CNTNAP2: variants seen among roughly 807,000 people sequenced by gnomAD.
CNTNAP2 encodes the protein contactin associated protein 2, also known as contactin-associated protein-like 2.
A neutral mutation model predicts 155.2 loss-of-function variants in CNTNAP2; 98 were observed. The ratio of observed to expected loss-of-function variants is 0.63; its 90% CI spans 0.54 to 0.75. CNTNAP2 has a LOEUF of 0.75. Ranked by LOEUF, CNTNAP2 falls within the 30% of genes least tolerant of loss-of-function variation. The probability of loss-of-function intolerance (pLI) is 0.00; values close to 1 mark genes in which losing one functional copy is unlikely to be tolerated. For synonymous variants in CNTNAP2, 651 were observed against 631.2 expected, an observed-to-expected ratio of 1.03 and a Z score of -0.47; for missense variants, 1,727 against 1,688.1, an observed-to-expected ratio of 1.02 and a Z score of -0.40.
chr7:147,499,562 G>A (rs1271832426), intron 11 of CNTNAP2, among the ~76,000 whole-genome samples: 1 of 152,062 alleles, frequency 6.6e-6, no homozygotes, highest in Non-Finnish European at 1.5e-5. Context: ...ATGTATTAAG[G>A]TTAGCAACTA....
At chr7:146,171,355 A>G (rs1249693373) in intron 1 of CNTNAP2, among the ~76,000 whole-genome samples, 2 of 152,142 alleles carry the variant, frequency 1.3e-5, no homozygotes, top group Non-Finnish European at 2.9e-5. Flanking sequence ...TATTTCTTTG[A>G]TATTCGTTAT....
intron 3 of CNTNAP2, among the ~76,000 whole-genome samples, chr7:146,874,328 T>G (rs898628304): frequency 2.0e-5 from 3 of 152,098 alleles, no homozygotes; most frequent in Non-Finnish European, 4.4e-5. Context: ...TCATGTTTAT[T>G]TTTTATTTTT....
At chr7:146,544,903 A>G (rs1176534218) in intron 1 of CNTNAP2, among the ~76,000 whole-genome samples, 2 of 151,948 alleles carry the variant, frequency 1.3e-5, no homozygotes, top group African/African-American at 2.4e-5. Context: ...GGAGTAGTAT[A>G]TACTAGAGGA....
intron 12 of CNTNAP2, among the ~76,000 whole-genome samples, chr7:147,601,711 T>C (rs1175939229): frequency 6.7e-6 from 1 of 148,980 alleles, no homozygotes; most frequent in Non-Finnish European, 1.5e-5. Flanking sequence ...AAACAATTAA[T>C]ACAAATTTCT....
At chr7:147,817,923 T>A (rs923150744) in intron 13 of CNTNAP2, among the ~76,000 whole-genome samples, 6 of 139,258 alleles carry the variant, frequency 4.3e-5, no homozygotes, top group African/African-American at 5.5e-5. Flanking sequence ...AAAAAAAAAA[T>A]AGCAAAGAAA....
chr7:148,008,207 C>CAA (rs34226824), intron 15 of CNTNAP2, among the ~76,000 whole-genome samples: 7,707 of 142,414 alleles, frequency 0.054, 408 homozygotes, highest in African/African-American at 0.15. Flanking sequence ...ACTAAAAATA[C>CAA]AAAAAAAAAA....
chr7:146,802,010 GA>G (rs528394971), intron 2 of CNTNAP2, among the ~76,000 whole-genome samples: 2 of 152,112 alleles, frequency 1.3e-5, no homozygotes, highest in Non-Finnish European at 2.9e-5. Flanking sequence ...CTGGAATTTA[GA>G]AAAAAATTTA....
rs576211925 is a variant in CNTNAP2, at chr7:146,351,056, C to A, written c.97+234083C>A. Among the ~76,000 whole-genome samples the A allele has an allele frequency of 2.3e-3, 345 of 150,134 alleles. 2 individuals are homozygous for A. Among genetic ancestry groups the A allele is most frequent in the African/African-American group, 8.1e-3 (329 of 40,432 alleles). ...GGGTGGGGGGAGGGTGGAGGGATAG[C>A]ATTAGGAGATACACCTAATGCTAAA... On this transcript the variant is annotated intron_variant, in intron 1 of 23. Transcript: ENST00000361727.
intron 8 of CNTNAP2, among the ~76,000 whole-genome samples, chr7:147,215,843 G>A (rs938406938): frequency 6.6e-6 from 1 of 152,038 alleles, no homozygotes; most frequent in African/African-American, 2.4e-5. Flanking sequence ...TTGCATCCTG[G>A]CCAATATTTG....
Position 148,415,834 on chromosome 7 carries a change from C to A in CNTNAP2, c.*218C>A. On this transcript the variant is annotated 3_prime_UTR_variant, in exon 24 of 24. Transcript: ENST00000361727. ...TATAGCTGAGTTTTCCCTTCTGTAT[C>A]AAAACAAAATAATACAAAAAATGCT... 1 of 606,848 alleles carries A rather than the reference C, an allele frequency of 1.6e-6. No homozygotes were observed. The highest frequency in any genetic ancestry group is 2.9e-6 in the Non-Finnish European group (1 of 348,144). The allele number at this position is 606,848 out of a possible 1,614,324, so 37.6% of individuals were successfully genotyped here.
At chr7:147,471,076 A>G (rs891781273) in intron 10 of CNTNAP2, among the ~76,000 whole-genome samples, 33 of 152,272 alleles carry the variant, frequency 2.2e-4, no homozygotes, top group African/African-American at 7.7e-4. Flanking sequence ...TAGATTTAAC[A>G]ATGTGGAAAT....
intron 4 of CNTNAP2, among the ~76,000 whole-genome samples, chr7:147,106,045 T>C (rs1250046728): frequency 6.6e-6 from 1 of 152,102 alleles, no homozygotes. Context: ...TAGAACTAAA[T>C]GTGTTTTGAT....
At chr7:146,711,348 A>T (rs1057462229) in intron 1 of CNTNAP2, among the ~76,000 whole-genome samples, 2 of 147,298 alleles carry the variant, frequency 1.4e-5, no homozygotes, top group Non-Finnish European at 3.0e-5. Context: ...TGTAAAATAT[A>T]TATGTATAAT....
At chr7:147,133,668 A>G (rs1489485118) in intron 8 of CNTNAP2, among the ~76,000 whole-genome samples, 1 of 152,032 alleles carries the variant, frequency 6.6e-6, no homozygotes, top group Non-Finnish European at 1.5e-5. Context: ...CAACTAACAG[A>G]ATATCCCCTG....
At chr7:146,567,729 C>CT (rs1281630297) in intron 1 of CNTNAP2, among the ~76,000 whole-genome samples, 1 of 152,084 alleles carries the variant, frequency 6.6e-6, no homozygotes, top group African/African-American at 2.4e-5. Context: ...TAACTTAAAA[C>CT]TTTTTTTGGG....
At chr7:146,700,841 G>A (rs890589400) in intron 1 of CNTNAP2, among the ~76,000 whole-genome samples, 1 of 152,036 alleles carries the variant, frequency 6.6e-6, no homozygotes, top group African/African-American at 2.4e-5. Flanking sequence ...GTAACACAAT[G>A]CAAAACTGAG....
intron 1 of CNTNAP2, among the ~76,000 whole-genome samples, chr7:146,640,292 G>A (rs958744274): frequency 6.6e-6 from 1 of 152,140 alleles, no homozygotes; most frequent in Non-Finnish European, 1.5e-5. Context: ...GGAAAGATAC[G>A]TTTCTTCTCT....
rs1376599798 is a variant in CNTNAP2, at chr7:147,534,561, C to A, written c.1778-27577C>A. Among the ~76,000 whole-genome samples the A allele has an allele frequency of 3.3e-5, 5 of 152,142 alleles. No individual in the cohort carries two copies. In the East Asian group the frequency reaches 9.7e-4, roughly 29 times the overall value. On this transcript the variant is annotated intron_variant, in intron 11 of 23. Coordinates refer to ENST00000361727, the MANE Select transcript of CNTNAP2 (RefSeq NM_014141.6). ...TTCGTAAAGTGACTGACACCTTGGA[C>A]GGTTCCCAAGAAAATTACTAAAACT...
At chr7:146,838,865 T>C (rs1803666937) in intron 2 of CNTNAP2, among the ~76,000 whole-genome samples, 1 of 152,170 alleles carries the variant, frequency 6.6e-6, no homozygotes, top group Admixed American at 6.6e-5. Context: ...ATCATTCTCT[T>C]TAGTAGCTGA....
Sources: gnomAD v4.1 joint callset for allele counts (sites outside exome capture counted in the v4.1 genomes callset) on GRCh38, gnomAD v4.1.1 for gene constraint, MANE v1.5 for transcripts, NCBI Gene and HGNC (gene_info 2026-07-23, HGNC 2026-07-21) for gene names.